Variants in ZNF827 observed in about 807,000 individuals in gnomAD.
The protein encoded by ZNF827 is zinc finger protein 827.
In ZNF827, 13 loss-of-function variants were observed where a neutral mutation model predicts 102.4. That is an observed-to-expected ratio of 0.13 (90% confidence interval 0.08 to 0.20). The LOEUF is 0.20. ZNF827 is among the 10% of genes least tolerant of loss of function. ZNF827 has a pLI of 1.00. For synonymous variants in ZNF827, 523 were observed against 536.2 expected (o/e 0.98, Z 0.34); for missense variants, 1,103 against 1,344.4 (o/e 0.82, Z 2.81).
At chr4:145,816,274 G>A (rs1290414471) in intron 8 of ZNF827, among the ~76,000 whole-genome samples, 1 of 152,186 alleles carries the variant, frequency 6.6e-6, no homozygotes, top group African/African-American at 2.4e-5. Context: ...CAACCTATCT[G>A]GGCAGACTCA....
At chr4:145,850,462 G>A (rs1057467168) in intron 5 of ZNF827, among the ~76,000 whole-genome samples, 1 of 152,126 alleles carries the variant, frequency 6.6e-6, no homozygotes, top group Non-Finnish European at 1.5e-5. Context: ...GCAGCCCAAG[G>A]AGCAACACCC....
At chr4:145,869,069 C>T (rs1403721187) in intron 5 of ZNF827, among the ~76,000 whole-genome samples, 2 of 152,188 alleles carry the variant, frequency 1.3e-5, no homozygotes, top group Non-Finnish European at 2.9e-5. Flanking sequence ...GGAGGTACTG[C>T]ACTATCTCTG....
intron 4 of ZNF827, among the ~76,000 whole-genome samples, chr4:145,882,789 G>C (rs1267222241): frequency 6.6e-6 from 1 of 152,148 alleles, no homozygotes; most frequent in Non-Finnish European, 1.5e-5. Flanking sequence ...ACAAACAGCT[G>C]CACCCTACAG....
At chr4:145,806,726 T>A (rs1741492665) in intron 8 of ZNF827, among the ~76,000 whole-genome samples, 1 of 151,902 alleles carries the variant, frequency 6.6e-6, no homozygotes, top group Admixed American at 6.5e-5. Context: ...TTAGAATGCT[T>A]ATTATACATT....
chr4:145,930,510 G>C (rs1331781192), intron 1 of ZNF827, among the ~76,000 whole-genome samples: 1 of 152,224 alleles, frequency 6.6e-6, no homozygotes, highest in Non-Finnish European at 1.5e-5. Context: ...TGGCCTCCAA[G>C]AAGGTCCATG....
chr4:145,776,535 C>T (rs1166516262), intron 9 of ZNF827, among the ~76,000 whole-genome samples: 1 of 151,000 alleles, frequency 6.6e-6, no homozygotes, highest in African/African-American at 2.4e-5. Flanking sequence ...TGGACACCCA[C>T]AGCCCATTTT....
chr4:145,854,148 G>C (rs7685277), intron 5 of ZNF827, among the ~76,000 whole-genome samples: 1 of 151,608 alleles, frequency 6.6e-6, no homozygotes, highest in Admixed American at 6.6e-5. Flanking sequence ...TAGGAGTTTG[G>C]AAGTCTTCCT....
chr4:145,932,629 C>A (rs1288935100), intron 1 of ZNF827, among the ~76,000 whole-genome samples: 1 of 152,186 alleles, frequency 6.6e-6, no homozygotes, highest in Non-Finnish European at 1.5e-5. Context: ...CGCCCGCCAC[C>A]ACGCCCTGCT....
At chr4:145,910,526 G>T (rs1427432610) in intron 1 of ZNF827, among the ~76,000 whole-genome samples, 1 of 152,008 alleles carries the variant, frequency 6.6e-6, no homozygotes, top group African/African-American at 2.4e-5. Context: ...ACCAAATCTG[G>T]CCACTTTGCA....
At chr4:145,870,512 A>G (rs750992024) in intron 4 of ZNF827, 34 bp from the exon 5 acceptor site, 1 of 1,581,334 alleles carries the variant, frequency 6.3e-7, no homozygotes, top group Non-Finnish European at 8.7e-7. Flanking sequence ...ATATATACAT[A>G]AAAGGCCACT....
chr4:145,817,175 C>G (rs1177233817), intron 8 of ZNF827, among the ~76,000 whole-genome samples: 1 of 152,172 alleles, frequency 6.6e-6, no homozygotes, highest in Non-Finnish European at 1.5e-5. Context: ...ATCCCAGTCA[C>G]TACCTCTCCC....
intron 8 of ZNF827, among the ~76,000 whole-genome samples, chr4:145,818,134 G>A (rs114147146): frequency 0.013 from 1,928 of 152,270 alleles, 49 homozygotes; most frequent in African/African-American, 0.045. Context: ...AAAGAAGACG[G>A]TGCATCAGTA....
intron 1 of ZNF827, among the ~76,000 whole-genome samples, chr4:145,917,834 T>C (rs1189884731): frequency 6.6e-6 from 1 of 151,528 alleles, no homozygotes; most frequent in African/African-American, 2.4e-5. Context: ...TTAAGTGCCC[T>C]AATTTTGTAT....
intron 5 of ZNF827, among the ~76,000 whole-genome samples, chr4:145,856,970 C>T (rs561895317): frequency 2.9e-5 from 4 of 137,152 alleles, no homozygotes; most frequent in East Asian, 4.6e-4. Flanking sequence ...CTCGCTCATG[C>T]GCGCGCACGC....
At chr4:145,804,146 T>G (rs942215422) in intron 8 of ZNF827, among the ~76,000 whole-genome samples, 4 of 152,242 alleles carry the variant, frequency 2.6e-5, no homozygotes, top group African/African-American at 9.6e-5. Context: ...CATATGCGTG[T>G]GTACACACAG....
intron 8 of ZNF827, among the ~76,000 whole-genome samples, chr4:145,820,787 A>T (rs1414424570): frequency 1.3e-5 from 2 of 152,084 alleles, no homozygotes; most frequent in Non-Finnish European, 2.9e-5. Flanking sequence ...CTCTCCAATG[A>T]TTCACTAATC....
intron 1 of ZNF827, among the ~76,000 whole-genome samples, chr4:145,915,059 G>A (rs1403655413): frequency 6.6e-6 from 1 of 152,246 alleles, no homozygotes; most frequent in South Asian, 2.1e-4. Context: ...GGGGCCACAC[G>A]TAGTGCGTGT....
chr4:145,848,706 A>C (rs1746222751), intron 6 of ZNF827, among the ~76,000 whole-genome samples: 1 of 152,232 alleles, frequency 6.6e-6, no homozygotes, highest in Non-Finnish European at 1.5e-5. Context: ...CAACTTAGGT[A>C]CTGGGATCCT....
chr4:145,849,668 A>T, intron 5 of ZNF827, 107 bp from the exon 6 acceptor site: 1 of 1,531,130 alleles, frequency 6.5e-7, no homozygotes, highest in Non-Finnish European at 8.8e-7. Context: ...GGCAGGGAAG[A>T]GAAAAATGAG....
Sources: gnomAD v4.1 joint callset for allele counts (sites outside exome capture counted in the v4.1 genomes callset) on GRCh38, gnomAD v4.1.1 for gene constraint, MANE v1.5 for transcripts, NCBI Gene and HGNC (gene_info 2026-07-23, HGNC 2026-07-21) for gene names.